The following HSPA12A variants were observed in gnomAD, a reference collection of about 807,000 sequenced individuals.
The protein encoded by HSPA12A is heat shock 70 kDa protein 12A.
Under a neutral mutation model 69.2 loss-of-function variants are expected in HSPA12A, and 28 were observed. That is an observed-to-expected ratio of 0.40 (90% CI 0.30 to 0.55). The LOEUF (loss-of-function observed/expected upper bound fraction) is 0.55, where lower values mean the gene tolerates loss of function less well. HSPA12A is among the 20% of genes least tolerant of loss of function. The pLI is 0.38. For missense variants in HSPA12A, 686 were observed against 900.7 expected, an observed-to-expected ratio of 0.76 and a Z score of 3.05; for synonymous variants, 345 against 370.5, an observed-to-expected ratio of 0.93 and a Z score of 0.79.
chr10:116,747,046 G>A (rs1389140631), upstream of HSPA12A, among the ~76,000 whole-genome samples: 3 of 152,214 alleles, frequency 2.0e-5, no homozygotes, highest in Non-Finnish European at 2.9e-5. Flanking sequence ...AATGTCAGCC[G>A]CCTTGACCTC....
Position 116,813,247 on chromosome 10 carries a change from A to ATTTTTTTTTTT in HSPA12A, c.91+21677_91+21687dup, listed in dbSNP as rs71013618. Among the ~76,000 whole-genome samples the ATTTTTTTTTTT allele has an allele frequency of 5.1e-4, 51 of 100,026 alleles. 4 individuals carry two copies. Among genetic ancestry groups the ATTTTTTTTTTT allele is most frequent in the Middle Eastern group, 8.5e-3 (1 of 118 alleles). The allele number at this position is 100,026 out of a possible 152,430, so 65.6% of individuals were successfully genotyped here. ...AAAGAAAGAGGCCATCCAGAGCTCT[A>ATTTTTTTTTTT]TTTTTTTTTTTTTTTTGAGATGGAG... is the stretch of plus-strand genomic sequence containing the variant. On this transcript the variant is annotated intron_variant, in intron 2 of 12. Transcript: ENST00000635765.
chr10:116,810,446 G>A lies in HSPA12A; in HGVS notation c.91+24489C>T, dbSNP rs550238088. 6.6e-5 allele frequency among the ~76,000 whole-genome samples: 10 copies of A among 152,116 alleles called. No individual in the cohort carries two copies. The South Asian group carries it at 2.1e-3, about 32-fold the overall frequency. On this transcript the variant is annotated intron_variant, in intron 2 of 12. Transcript: ENST00000635765. ...TTCTTTCCTCTCTACCACCTCCCCT[G>A]CCCTTTTCCTTTTGAAGGTAAAGTT...
At chr10:116,828,703 G>A (rs141663144) in intron 2 of HSPA12A, 94 of 152,330 alleles carry the variant, frequency 6.2e-4, no homozygotes, top group African/African-American at 2.2e-3. Flanking sequence ...GCAGGGCCTT[G>A]TGTGACTGCA....
Position 116,779,869 on chromosome 10 carries a change from G to A in HSPA12A, c.91+55066C>T, listed in dbSNP as rs367765643. Among the ~76,000 whole-genome samples, 30 of 152,150 alleles carry A rather than the reference G, an allele frequency of 2.0e-4. No homozygotes were observed. The East Asian group carries it at 3.7e-3, about 19-fold the overall frequency. On this transcript the variant is annotated intron_variant, in intron 2 of 12. Coordinates refer to the HSPA12A transcript ENST00000635765. ...GGAGCTCTGAGTGCACTCCGTCCCC[G>A]CACCCCGACTCCATGTGGGCCCATG...
In HSPA12A at chr10:116,701,024, G is replaced by C; in HGVS notation, c.360C>G (p.Asp120Glu). 1.2e-6 allele frequency: 2 copies of C among 1,614,086 alleles called. No individual in the cohort carries two copies. The highest frequency in any genetic ancestry group is 1.7e-6 in the Non-Finnish European group (2 of 1,180,038). ...KFHSFGYAAR[D>E]FYHDLDPNEA... ...CATTGGGATCCAGGTCATGGTAAAA[G>C]TCCCTGGCGGCATACCCGAAGCTGT... The change falls in exon 4 of 12, where the codon GAC becomes GAG. Residue 120 changes from aspartate (D) to glutamate (E), a missense_variant. By Grantham distance (45) the Asp-to-Glu change is conservative. Coordinates refer to ENST00000369209, the MANE Select transcript of HSPA12A (RefSeq NM_025015.3).
At chr10:116,683,021 A>T (rs1197088660) in intron 7 of HSPA12A, among the ~76,000 whole-genome samples, 1 of 151,860 alleles carries the variant, frequency 6.6e-6, no homozygotes, top group Non-Finnish European at 1.5e-5. Flanking sequence ...CTTTTCTTGC[A>T]GCCTGAAATT....
chr10:116,703,161 G>A (rs929023951), intron 3 of HSPA12A, among the ~76,000 whole-genome samples: 46 of 152,072 alleles, frequency 3.0e-4, no homozygotes, highest in African/African-American at 1.1e-3. Flanking sequence ...GAACACCAAG[G>A]GCGATGCTGT....
intron 2 of HSPA12A, among the ~76,000 whole-genome samples, chr10:116,797,120 G>A (rs1220208256): frequency 6.6e-6 from 1 of 152,178 alleles, no homozygotes; most frequent in Non-Finnish European, 1.5e-5. Context: ...CCACCAGGGG[G>A]AGCTACAGGT....
intron 10 of HSPA12A, 87 bp downstream of exon 10, chr10:116,679,416 C>T: frequency 6.6e-7 from 1 of 1,522,786 alleles, no homozygotes; most frequent in South Asian, 1.2e-5. Flanking sequence ...AGGATTGGAA[C>T]CCGAAGTCCA....
chr10:116,774,834 C>A (rs1300246137), intron 2 of HSPA12A, among the ~76,000 whole-genome samples: 4 of 152,200 alleles, frequency 2.6e-5, no homozygotes, highest in African/African-American at 9.7e-5. Flanking sequence ...GAGCCCTCCA[C>A]CCTGGCCCCT....
At chr10:116,679,354 A>G (rs1465819784) in intron 10 of HSPA12A, 149 bp downstream of exon 10, 11 of 873,474 alleles carry the variant, frequency 1.3e-5, no homozygotes, top group Middle Eastern at 3.7e-4. Context: ...TGTGAAAAAA[A>G]CTGAGGGAAG....
chr10:116,726,969 A>G (rs879993559), intron 1 of HSPA12A, among the ~76,000 whole-genome samples: 7 of 152,212 alleles, frequency 4.6e-5, no homozygotes, highest in African/African-American at 1.7e-4. Context: ...CAAGACACTT[A>G]TGTTTTCTAA....
chr10:116,731,397 C>G (rs1001363936), intron 1 of HSPA12A, among the ~76,000 whole-genome samples: 1 of 152,164 alleles, frequency 6.6e-6, no homozygotes, highest in Non-Finnish European at 1.5e-5. Flanking sequence ...CTCTAACTGC[C>G]GGCCCCAGGG....
chr10:116,769,461 C>T (rs1844150384), intron 2 of HSPA12A, among the ~76,000 whole-genome samples: 1 of 152,182 alleles, frequency 6.6e-6, no homozygotes, highest in African/African-American at 2.4e-5. Context: ...GGTGAAAGGT[C>T]CCCACCTTGA....
At position 116,723,532 on chromosome 10, in the gene HSPA12A, G is replaced by A. The variant is rs111408342; in HGVS notation, c.41-16247C>T. On this transcript the variant is annotated intron_variant, in intron 1 of 11. Transcript: ENST00000369209. The surrounding 1 kb of genome is among the most constrained non-coding windows in gnomAD (Gnocchi z 4.1). ...CTCAGGTCTCAGTTTCCACAAGTAC[G>A]TACCAGGCTAACAACTGTCTCTCTC... Among the ~76,000 whole-genome samples, 39 of 152,276 alleles carry A rather than the reference G, an allele frequency of 2.6e-4. No homozygotes were observed. The highest frequency in any genetic ancestry group is 8.2e-4 in the African/African-American group (34 of 41,566).
intron 3 of HSPA12A, among the ~76,000 whole-genome samples, chr10:116,701,840 G>A (rs1296296681): frequency 9.2e-5 from 14 of 152,116 alleles, no homozygotes; most frequent in Non-Finnish European, 1.8e-4. Flanking sequence ...GAGAACCCTG[G>A]GGACTTAGAC....
intron 2 of HSPA12A, among the ~76,000 whole-genome samples, chr10:116,827,300 A>G (rs550753728): frequency 2.6e-5 from 4 of 152,166 alleles, no homozygotes; most frequent in South Asian, 4.1e-4. Flanking sequence ...AGCCTCAAGC[A>G]CCTCCTTGGA....
At chr10:116,769,023 G>A (rs782287564) in intron 2 of HSPA12A, among the ~76,000 whole-genome samples, 3 of 152,128 alleles carry the variant, frequency 2.0e-5, no homozygotes, top group Non-Finnish European at 2.9e-5. Flanking sequence ...ATTCTTGCCC[G>A]CTGCAGACTT....
intron 2 of HSPA12A, among the ~76,000 whole-genome samples, chr10:116,791,882 T>C (rs1305061999): frequency 6.6e-6 from 1 of 152,074 alleles, no homozygotes; most frequent in Admixed American, 6.6e-5. Flanking sequence ...TTCTCAAGCA[T>C]CTACTATGTC....
Sources: allele counts gnomAD v4.1 joint callset (sites outside exome capture counted in the v4.1 genomes callset), GRCh38; gene constraint gnomAD v4.1.1; non-coding constraint Gnocchi (gnomAD v3.1); transcripts MANE v1.5; gene names NCBI Gene and HGNC (gene_info 2026-07-23, HGNC 2026-07-21).